The following RANBP2 variants were observed in gnomAD, a reference collection of about 807,000 sequenced individuals.
RANBP2 encodes the protein RAN binding protein 2, also known as E3 SUMO-protein ligase RanBP2.
In RANBP2, 57 loss-of-function variants were observed where a neutral mutation model predicts 303.6. The observed-to-expected ratio is 0.19, with a 90% confidence interval of 0.15 to 0.23. The LOEUF is 0.23. RANBP2 is among the 10% of genes least tolerant of loss of function. The pLI is 1.00. For missense variants in RANBP2, 3,138 were observed against 3,780.8 expected (o/e 0.83, Z 4.46); for synonymous variants, 1,167 against 1,301.5 (o/e 0.90, Z 2.23).
chr2:109,447,576 G>T, the RANBP2 span, among the ~76,000 whole-genome samples: 1 of 151,740 alleles, frequency 6.6e-6, no homozygotes, highest in African/African-American at 2.4e-5. Flanking sequence ...GGTGCTGCCC[G>T]GGCCACTTGG....
the RANBP2 span, among the ~76,000 whole-genome samples, chr2:108,977,271 G>A: frequency 2.0e-5 from 3 of 152,066 alleles, no homozygotes; most frequent in Non-Finnish European, 2.9e-5. Flanking sequence ...TGAGAAGCTC[G>A]CCTTTTCTTT....
the RANBP2 span, among the ~76,000 whole-genome samples, chr2:109,018,069 G>C: frequency 7.2e-5 from 11 of 152,294 alleles, no homozygotes; most frequent in East Asian, 1.9e-3. Flanking sequence ...AGAAAAGGGA[G>C]TTTGCACCAG....
At chr2:109,221,811 A>C in the RANBP2 span, among the ~76,000 whole-genome samples, 1 of 152,154 alleles carries the variant, frequency 6.6e-6, no homozygotes, top group Non-Finnish European at 1.5e-5. Flanking sequence ...TTCTCAGAAA[A>C]CGAAAACTAG....
the RANBP2 span, among the ~76,000 whole-genome samples, chr2:109,454,922 GA>G: frequency 2.2e-3 from 316 of 144,696 alleles, 2 homozygotes; most frequent in African/African-American, 7.5e-3. Context: ...TTATGGGCCA[GA>G]AAAAAAAAAA....
intron 17 of RANBP2, among the ~76,000 whole-genome samples, chr2:108,756,190 A>G (rs1463084972): frequency 1.8e-4 from 27 of 152,220 alleles, no homozygotes; most frequent in Non-Finnish European, 7.3e-5. Flanking sequence ...ACTCTGGTCT[A>G]TGAGTTCATT....
At chr2:109,013,514 G>A in the RANBP2 span, among the ~76,000 whole-genome samples, 1 of 152,060 alleles carries the variant, frequency 6.6e-6, no homozygotes, top group Admixed American at 6.5e-5. Context: ...GTGTGCTCCG[G>A]TGACGTTGCA....
At chr2:109,597,459 T>C in the RANBP2 span, among the ~76,000 whole-genome samples, 1 of 152,222 alleles carries the variant, frequency 6.6e-6, no homozygotes, top group African/African-American at 2.4e-5. Context: ...TAGTAAGACA[T>C]GGTCCTGGAC....
chr2:108,908,261 T>C, the RANBP2 span, among the ~76,000 whole-genome samples: 1 of 152,114 alleles, frequency 6.6e-6, no homozygotes, highest in African/African-American at 2.4e-5. Context: ...TGCAGGCGTC[T>C]AAGGGGCTGG....
chr2:108,773,118 C>T (rs1029251788), intron 23 of RANBP2, 72 bp downstream of exon 23: 1 of 1,446,778 alleles, frequency 6.9e-7, no homozygotes, highest in African/African-American at 1.4e-5. Context: ...TTAGAATGTT[C>T]TTATTTATTT....
At chr2:109,188,039 C>T in the RANBP2 span, among the ~76,000 whole-genome samples, 1 of 152,220 alleles carries the variant, frequency 6.6e-6, no homozygotes, top group Admixed American at 6.5e-5. Flanking sequence ...GGAGTCTGCA[C>T]CGGCTTGCAG....
the RANBP2 span, among the ~76,000 whole-genome samples, chr2:109,229,442 C>T: frequency 6.6e-6 from 1 of 152,220 alleles, no homozygotes; most frequent in African/African-American, 2.4e-5. Flanking sequence ...GCTGTCATGT[C>T]TCCATGGACT....
At chr2:109,029,656 G>A in the RANBP2 span, among the ~76,000 whole-genome samples, 2 of 152,128 alleles carry the variant, frequency 1.3e-5, no homozygotes, top group East Asian at 1.9e-4. Context: ...CTCCTTCCTC[G>A]GCCTGGGATG....
chr2:109,014,204 C>T, the RANBP2 span, among the ~76,000 whole-genome samples: 1 of 152,152 alleles, frequency 6.6e-6, no homozygotes, highest in African/African-American at 2.4e-5. Context: ...TTTCTTTCAG[C>T]AGGGCTGCCC....
chr2:109,701,706 T>G, the RANBP2 span, among the ~76,000 whole-genome samples: 1 of 152,196 alleles, frequency 6.6e-6, no homozygotes, highest in Non-Finnish European at 1.5e-5. Context: ...GGGCAAATTG[T>G]GAGGGAGGTA....
chr2:108,891,783 G>A, the RANBP2 span, among the ~76,000 whole-genome samples: 60 of 152,134 alleles, frequency 3.9e-4, no homozygotes, highest in Non-Finnish European at 7.5e-4. Flanking sequence ...GTCCCAAGTG[G>A]TGTGCATTGA....
At chr2:109,094,266 T>C in the RANBP2 span, among the ~76,000 whole-genome samples, 5 of 152,178 alleles carry the variant, frequency 3.3e-5, no homozygotes, top group African/African-American at 1.2e-4. Flanking sequence ...ACAAAATGCA[T>C]GATAGAAGCA....
chr2:109,037,944 C>A, the RANBP2 span, among the ~76,000 whole-genome samples: 2 of 152,156 alleles, frequency 1.3e-5, no homozygotes, highest in African/African-American at 4.8e-5. Context: ...TAGACATAGA[C>A]AATCTTATCC....
the RANBP2 span, among the ~76,000 whole-genome samples, chr2:108,887,939 T>A: frequency 1.3e-5 from 2 of 152,230 alleles, no homozygotes; most frequent in Non-Finnish European, 2.9e-5. Context: ...CATCCTTGTC[T>A]TATTTCAGTT....
At chr2:109,449,367 A>T in the RANBP2 span, 1 of 1,609,536 alleles carries the variant, frequency 6.2e-7, no homozygotes, top group Non-Finnish European at 8.5e-7. Context: ...ATCAGCCATC[A>T]CACCTCCCAA....
Sources: allele counts gnomAD v4.1 joint callset (sites outside exome capture counted in the v4.1 genomes callset), GRCh38; gene constraint gnomAD v4.1.1; transcripts MANE v1.5; gene names NCBI Gene and HGNC (gene_info 2026-07-23, HGNC 2026-07-21).